Variants in TUBGCP3 observed in about 807,000 individuals in gnomAD.
The protein encoded by TUBGCP3 is gamma-tubulin complex component 3.
In TUBGCP3, 50 loss-of-function variants were observed where a neutral mutation model predicts 123.1. The observed-to-expected ratio is 0.41, with a 90% CI of 0.32 to 0.51. TUBGCP3 has a LOEUF of 0.51. TUBGCP3 is among the 20% of genes least tolerant of loss of function. TUBGCP3 has a pLI of 0.36. For missense variants in TUBGCP3, 882 were observed against 1,127.0 expected, an observed-to-expected ratio of 0.78 and a Z score of 3.11; for synonymous variants, 405 against 413.9, an observed-to-expected ratio of 0.98 and a Z score of 0.26.
intron 11 of TUBGCP3, among the ~76,000 whole-genome samples, chr13:112,544,274 A>T (rs912373390): frequency 3.3e-5 from 5 of 152,046 alleles, no homozygotes; most frequent in Admixed American, 3.3e-4. Context: ...TAACACAGTG[A>T]AACCCCGTCT....
At chr13:112,499,363 A>T (rs1472175695) in intron 19 of TUBGCP3, among the ~76,000 whole-genome samples, 178 bp from the exon 20 acceptor site, 1 of 152,234 alleles carries the variant, frequency 6.6e-6, no homozygotes, top group Non-Finnish European at 1.5e-5. Context: ...CCTGCTGAGC[A>T]GCGCTGTGCT....
At chr13:112,595,946 T>C in the TUBGCP3 span, among the ~76,000 whole-genome samples, 211 of 152,366 alleles carry the variant, frequency 1.4e-3, 1 homozygote, top group Admixed American at 5.2e-3. Flanking sequence ...TTGTCCATAA[T>C]GTTTCCCAGT....
chr13:112,596,123 A>G, the TUBGCP3 span, among the ~76,000 whole-genome samples: 3 of 152,228 alleles, frequency 2.0e-5, no homozygotes, highest in Non-Finnish European at 4.4e-5. Flanking sequence ...ATTGAGAACC[A>G]CGCTAAATGG....
chr13:112,573,155 A>G (rs1205316393), intron 1 of TUBGCP3, among the ~76,000 whole-genome samples: 1 of 151,422 alleles, frequency 6.6e-6, no homozygotes, highest in Non-Finnish European at 1.5e-5. Context: ...AAATGGGGGC[A>G]AGATGTACAA....
At chr13:112,566,603 A>C (rs1282909386) in intron 2 of TUBGCP3, among the ~76,000 whole-genome samples, 2 of 152,234 alleles carry the variant, frequency 1.3e-5, no homozygotes, top group Non-Finnish European at 1.5e-5. Flanking sequence ...TGCAATTAAA[A>C]TTTAATATAA....
rs528729019 is a variant in TUBGCP3, at chr13:112,561,794, G to A, written c.253-2395C>T. 1.1e-4 allele frequency among the ~76,000 whole-genome samples: 17 copies of A among 152,262 alleles called. No homozygotes were observed. In the South Asian group the frequency reaches 1.5e-3, roughly 13 times the overall value. On this transcript the variant is annotated intron_variant, in intron 3 of 21. Coordinates refer to ENST00000261965, the MANE Select transcript of TUBGCP3 (RefSeq NM_006322.6). ...TGTTCTACCTTTGCACTAAGAAACC[G>A]CTAGGTTAAAAATCTCAGATTATAT...
At chr13:112,507,681 C>T (rs1011463964) in intron 17 of TUBGCP3, among the ~76,000 whole-genome samples, 4 of 152,164 alleles carry the variant, frequency 2.6e-5, no homozygotes, top group African/African-American at 9.7e-5. Context: ...CTCCAGAATT[C>T]TTCTCAGGGT....
the TUBGCP3 span, among the ~76,000 whole-genome samples, chr13:112,599,709 C>A: frequency 2.0e-5 from 3 of 151,482 alleles, no homozygotes; most frequent in African/African-American, 7.3e-5. Flanking sequence ...TTAGTAGAGA[C>A]GGGGATTCGC....
Position 112,554,040 on chromosome 13 carries a change from A to G in TUBGCP3, c.966+17T>C. 6.2e-7 allele frequency: 1 copy of G among 1,605,920 alleles called. No homozygotes were observed. The highest frequency in any genetic ancestry group is 8.5e-7 in the Non-Finnish European group (1 of 1,177,848). On this transcript the variant is annotated intron_variant, in intron 8 of 21. Coordinates refer to ENST00000261965, the MANE Select transcript of TUBGCP3 (RefSeq NM_006322.6). The stretch of plus-strand genomic sequence containing the variant: ...AAAGTGCGCAGCATCCCAGCATCCT[A>G]GGAACCATGAACGCACCTGCCCGAC...
intron 1 of TUBGCP3, among the ~76,000 whole-genome samples, chr13:112,585,322 A>G (rs1462468874): frequency 1.3e-5 from 2 of 152,256 alleles, no homozygotes; most frequent in Non-Finnish European, 2.9e-5. Flanking sequence ...GGTATAACAA[A>G]TGAAAGAACA....
At chr13:112,526,187 T>C (rs1877056294) in intron 13 of TUBGCP3, among the ~76,000 whole-genome samples, 1 of 148,316 alleles carries the variant, frequency 6.7e-6, no homozygotes, top group Admixed American at 6.8e-5. Context: ...CCACCATCAC[T>C]GCCACCACCA....
chr13:112,527,239 A>G, intron 12 of TUBGCP3, 135 bp downstream of exon 12: 2 of 743,926 alleles, frequency 2.7e-6, no homozygotes, highest in Non-Finnish European at 4.4e-6. Flanking sequence ...TTCAATTAAC[A>G]TGCACTTACT....
chr13:112,592,084 G>A (rs1882892917), upstream of TUBGCP3, among the ~76,000 whole-genome samples: 1 of 152,110 alleles, frequency 6.6e-6, no homozygotes, highest in Admixed American at 6.5e-5. This position sits in a 1 kb window ranked among gnomAD's most constrained non-coding sequence, Gnocchi z 4.1. Flanking sequence ...GCTCCAGATG[G>A]AACATCTGGA....
chr13:112,521,398 C>A (rs1876611186), intron 14 of TUBGCP3, among the ~76,000 whole-genome samples: 1 of 152,202 alleles, frequency 6.6e-6, no homozygotes, highest in African/African-American at 2.4e-5. Flanking sequence ...TAAGAGCCTG[C>A]ATGTCTCAAA....
At chr13:112,538,844 C>T (rs1033277470) in intron 11 of TUBGCP3, among the ~76,000 whole-genome samples, 31 of 151,872 alleles carry the variant, frequency 2.0e-4, no homozygotes, top group African/African-American at 7.0e-4. Context: ...GAAAAATTAA[C>T]CTATAGAAGA....
At position 112,511,491 on chromosome 13, in the gene TUBGCP3, C is replaced by T. The variant is rs1260902693; in HGVS notation, c.2086+4949G>A. Among the ~76,000 whole-genome samples, 3 of 152,034 alleles carry T rather than the reference C, an allele frequency of 2.0e-5. No individual in the cohort carries two copies. The highest frequency in any genetic ancestry group is 2.1e-4 in the South Asian group (1 of 4,816). ...TGAAGGCAATGAACCGCAGCTGGGC[C>T]GGTACTAAAGGCTGTGCTGCCGGAG... On this transcript the variant is annotated intron_variant, in intron 17 of 21. Transcript: ENST00000261965. This position sits in a 1 kb window ranked among gnomAD's most constrained non-coding sequence, Gnocchi z 4.1.
chr13:112,603,803 G>GC, the TUBGCP3 span: 1 of 152,254 alleles, frequency 6.6e-6, no homozygotes, highest in Non-Finnish European at 1.5e-5. Context: ...ATGGAATGGG[G>GC]CCAAAGCTAA....
At chr13:112,538,378 G>T (rs1300501646) in intron 11 of TUBGCP3, among the ~76,000 whole-genome samples, 8 of 152,182 alleles carry the variant, frequency 5.3e-5, no homozygotes, top group Non-Finnish European at 1.5e-5. Flanking sequence ...GTCTTGCTGT[G>T]GTGAGTTTAT....
intron 11 of TUBGCP3, among the ~76,000 whole-genome samples, chr13:112,537,126 CCTTTTTTTT>C: frequency 8.1e-6 from 1 of 123,254 alleles, no homozygotes; most frequent in Non-Finnish European, 1.6e-5. Flanking sequence ...TTACCTTTTT[CCTTTTTTTT>C]TTTTTTTTTT....
Sources: allele counts gnomAD v4.1 joint callset (sites outside exome capture counted in the v4.1 genomes callset), GRCh38; gene constraint gnomAD v4.1.1; non-coding constraint Gnocchi (gnomAD v3.1); transcripts MANE v1.5; gene names NCBI Gene and HGNC (gene_info 2026-07-23, HGNC 2026-07-21).